CDR2L: variants seen among roughly 807,000 people sequenced by gnomAD.
CDR2L encodes the protein cerebellar degeneration related protein 2 like.
CDR2L carries 19 observed loss-of-function variants against 36.1 expected under a neutral mutation model. The observed-to-expected ratio is 0.53, with a 90% CI of 0.37 to 0.77. CDR2L has a LOEUF of 0.77. Ranked by LOEUF, CDR2L falls within the 30% of genes least tolerant of loss-of-function variation. The pLI is 0.00. For missense variants in CDR2L, 575 were observed against 627.2 expected (o/e 0.92, Z 0.89); for synonymous variants, 285 against 280.4 (o/e 1.02, Z -0.16).
intron 1 of CDR2L, among the ~76,000 whole-genome samples, chr17:74,992,392 C>A (rs2039802391): frequency 6.6e-6 from 1 of 151,326 alleles, no homozygotes; most frequent in African/African-American, 2.4e-5. Context: ...ACAGTTCAAA[C>A]CCATAGCCCA....
At chr17:74,999,288 G>GCGCA (rs201460506) in intron 1 of CDR2L, among the ~76,000 whole-genome samples, 1 of 144,874 alleles carries the variant, frequency 6.9e-6, no homozygotes, top group Non-Finnish European at 1.5e-5. Context: ...ATTACATCTT[G>GCGCA]CACACACACA....
chr17:74,997,004 C>T (rs186672685), intron 1 of CDR2L, among the ~76,000 whole-genome samples: 1 of 151,924 alleles, frequency 6.6e-6, no homozygotes, highest in East Asian at 1.9e-4. Flanking sequence ...TCTGCTCTCT[C>T]TGCCTCTCAG....
intron 1 of CDR2L, among the ~76,000 whole-genome samples, chr17:74,990,482 G>A (rs940978367): frequency 3.9e-5 from 6 of 152,214 alleles, no homozygotes; most frequent in African/African-American, 1.4e-4. Flanking sequence ...ACAGAAATAG[G>A]ACCAAACTCA....
intron 1 of CDR2L, among the ~76,000 whole-genome samples, chr17:74,991,578 G>A (rs551950380): frequency 2.6e-5 from 4 of 151,976 alleles, no homozygotes; most frequent in East Asian, 1.9e-4. Flanking sequence ...TTAGCCGGGC[G>A]CGGTGGCGGG....
Position 75,001,420 on chromosome 17 carries a change from C to G in CDR2L, c.272C>G (p.Ala91Gly), listed in dbSNP as rs1216146178. Residue 91 changes from alanine to glycine, a missense_variant, in exon 3 of 5, where the codon GCC becomes GGC. Coordinates refer to ENST00000337231, the MANE Select transcript of CDR2L (RefSeq NM_014603.3). ...GTCTATGAGCAGCTGGACCTGACAG[C>G]CCGGGACCTGGAGCTGACCAACCAC... The part of the protein sequence containing the change: ...AKVYEQLDLT[A>G]RDLELTNHRL... 5.0e-6 allele frequency: 8 copies of G among 1,609,192 alleles called. No individual in the cohort carries two copies. The South Asian group carries it at 5.6e-5, about 11-fold the overall frequency.
intron 1 of CDR2L, among the ~76,000 whole-genome samples, chr17:74,993,075 G>A (rs773242822): frequency 6.6e-6 from 1 of 152,156 alleles, no homozygotes; most frequent in Non-Finnish European, 1.5e-5. Context: ...TTCCAAGGGG[G>A]AAAACATTTA....
At position 74,990,543 on chromosome 17, in the gene CDR2L, C is replaced by T. The variant is rs1344421803; in HGVS notation, c.79+2421C>T. ...GCAGCTGTAGGCCCAGCAACGGGGA[C>T]AGCAGAGACTTAGAAAGGTTTATGC... On this transcript the variant is annotated intron_variant, in intron 1 of 4. Coordinates refer to ENST00000337231, the MANE Select transcript of CDR2L (RefSeq NM_014603.3). Among the ~76,000 whole-genome samples, 3 of 152,348 alleles carry T rather than the reference C, an allele frequency of 2.0e-5. No homozygotes were observed. The South Asian group carries it at 6.2e-4, about 32-fold the overall frequency.
Position 74,987,816 on chromosome 17 carries a change from GC to G in CDR2L, c.-225del. 4.2e-6 allele frequency: 1 copy of G among 235,782 alleles called. No homozygotes were observed. Among genetic ancestry groups the G allele is most frequent in the Non-Finnish European group, 8.1e-6 (1 of 123,002 alleles). The allele number at this position is 235,782 out of a possible 1,614,324, so 14.6% of individuals were successfully genotyped here. On this transcript the variant is annotated 5_prime_UTR_variant, in exon 1 of 5. Transcript: ENST00000337231. The stretch of plus-strand genomic sequence containing the variant: ...CCACTCCACCCTTTGTGTCGCCGCA[GC>G]CCGGTGCCCCCGGCTCTGCGGGACC...
Position 75,004,038 on chromosome 17 carries a change from C to A in CDR2L, c.1362C>A (p.Ile454=). 6.2e-7 allele frequency: 1 copy of A among 1,610,816 alleles called. No homozygotes were observed. The highest frequency in any genetic ancestry group is 8.5e-7 in the Non-Finnish European group (1 of 1,178,724). The stretch of plus-strand genomic sequence containing the variant: ...GGATCCAGAAGACCAAGGCTGACAT[C>A]AACGCCACCAAAGTCAAGACGCACA... ...FSRIQKTKAD[I]NATKVKTHSS... is the part of the protein sequence containing the mutation. The change falls in exon 5 of 5, where the codon ATC becomes ATA. Residue 454 remains isoleucine (I), a synonymous_variant. Coordinates refer to ENST00000337231, the MANE Select transcript of CDR2L (RefSeq NM_014603.3).
chr17:74,996,110 A>G (rs370084062), intron 1 of CDR2L, among the ~76,000 whole-genome samples: 1 of 152,034 alleles, frequency 6.6e-6, no homozygotes, highest in East Asian at 1.9e-4. Context: ...CATCACCACA[A>G]TCAATTTTAG....
Position 75,003,207 on chromosome 17 carries a change from C to G in CDR2L, c.531C>G (p.His177Gln). The G allele has an allele frequency of 6.4e-7, 1 of 1,566,140 alleles. No homozygotes were observed. Among genetic ancestry groups the G allele is most frequent in the Middle Eastern group, 1.9e-4 (1 of 5,348 alleles). Residue 177 changes from histidine to glutamine, a missense_variant, in exon 5 of 5, where the codon CAC becomes CAG. Coordinates refer to ENST00000337231, the MANE Select transcript of CDR2L (RefSeq NM_014603.3). Reference protein sequence around the residue: ...SPRCKDAFRLHSSSLELGPRP... With the variant: ...SPRCKDAFRLQSSSLELGPRP... Reference sequence around the variant, plus strand: ...GGTGCAAGGATGCTTTCCGCCTACACAGTTCCTCCCTGGAGCTGGGCCCGC... The same window carrying G: ...GGTGCAAGGATGCTTTCCGCCTACAGAGTTCCTCCCTGGAGCTGGGCCCGC...
Position 75,003,576 on chromosome 17 carries a change from C to A in CDR2L, c.900C>A (p.Asp300Glu), listed in dbSNP as rs36057512. ...PGRGDDLGAQDGVSSPAASPG... is the reference protein window; with the variant it reads ...PGRGDDLGAQEGVSSPAASPG... ...GCGGGGACGACTTGGGCGCCCAGGA[C>A]GGGGTCTCCTCACCGGCAGCCTCTC... is the stretch of plus-strand genomic sequence containing the variant. The change falls in exon 5 of 5, where the codon GAC (aspartate) becomes GAA (glutamate). Residue 300 changes from aspartate to glutamate, a missense_variant. Asp to Glu is a conservative substitution (Grantham distance 45, BLOSUM62 2). Coordinates refer to ENST00000337231, the MANE Select transcript of CDR2L (RefSeq NM_014603.3). 0.019 allele frequency: 29,143 copies of A among 1,509,094 alleles called. 1,230 individuals are homozygous for A. The highest frequency in any genetic ancestry group is 0.17 in the African/African-American group (12,045 of 71,892). The allele number at this position is 1,509,094 out of a possible 1,614,324, so 93.5% of individuals were successfully genotyped here. A position where few individuals can be genotyped will look rare whatever the true frequency, so the allele number is the denominator to read the frequency against.
At chr17:74,991,896 G>A (rs1301103666) in intron 1 of CDR2L, among the ~76,000 whole-genome samples, 2 of 152,110 alleles carry the variant, frequency 1.3e-5, no homozygotes, top group South Asian at 2.1e-4. Flanking sequence ...TGCTGTCCCC[G>A]CCTGCCTAGC....
chr17:75,003,009 G>GCAGGGGGA (rs1473267691), intron 4 of CDR2L, among the ~76,000 whole-genome samples, 174 bp from the exon 5 acceptor site: 1 of 152,244 alleles, frequency 6.6e-6, no homozygotes, highest in African/African-American at 2.4e-5. Context: ...GGGGCAGAGA[G>GCAGGGGGA]CAGGGGGAGA....
intron 1 of CDR2L, among the ~76,000 whole-genome samples, chr17:74,988,562 C>A (rs1423157643): frequency 6.6e-6 from 1 of 152,156 alleles, no homozygotes; most frequent in Non-Finnish European, 1.5e-5. Flanking sequence ...TCCAGCAGCA[C>A]CCGTCCCTGA....
intron 1 of CDR2L, among the ~76,000 whole-genome samples, chr17:74,993,449 T>C (rs1027670155): frequency 6.6e-6 from 1 of 152,134 alleles, no homozygotes; most frequent in African/African-American, 2.4e-5. Context: ...AGCTAATTAA[T>C]TTTTTTGTAG....
rs768447267 is a variant in CDR2L, at chr17:75,003,220, G to A, written c.544G>A (p.Glu182Lys). 31 of 1,566,830 alleles carry A rather than the reference G, an allele frequency of 2.0e-5. No homozygotes were observed. Among genetic ancestry groups the A allele is most frequent in the African/African-American group, 2.7e-5 (2 of 73,654 alleles). ...DAFRLHSSSL[E>K]LGPRPLEQEN... ...TTTCCGCCTACACAGTTCCTCCCTG[G>A]AGCTGGGCCCGCGGCCCCTGGAGCA... is the stretch of plus-strand genomic sequence containing the variant. Residue 182 changes from glutamate (E) to lysine (K), a missense_variant, in exon 5 of 5, where the codon GAG (glutamate) becomes AAG (lysine). Physicochemically the swap from Glu to Lys is moderately conservative, Grantham distance 56. Transcript: ENST00000337231.
Position 75,003,233 on chromosome 17 carries a change from G to A in CDR2L, c.557G>A (p.Arg186Gln), listed in dbSNP as rs758131748. Reference sequence around the variant, plus strand: ...AGTTCCTCCCTGGAGCTGGGCCCGCGGCCCCTGGAGCAGGAGAACGAGCGG... The same window carrying A: ...AGTTCCTCCCTGGAGCTGGGCCCGCAGCCCCTGGAGCAGGAGAACGAGCGG... ...LHSSSLELGP[R>Q]PLEQENERLQ... Residue 186 changes from arginine to glutamine, a missense_variant, in exon 5 of 5, where the codon CGG (arginine) becomes CAG (glutamine). By Grantham distance (43) the Arg-to-Gln change is conservative. Coordinates refer to ENST00000337231, the MANE Select transcript of CDR2L (RefSeq NM_014603.3). 2 of 1,565,000 alleles carry A rather than the reference G, an allele frequency of 1.3e-6. No homozygotes were observed. The highest frequency in any genetic ancestry group is 1.4e-5 in the African/African-American group (1 of 73,754).
chr17:75,001,129 G>A (rs935912024), intron 2 of CDR2L, among the ~76,000 whole-genome samples: 3 of 151,872 alleles, frequency 2.0e-5, no homozygotes, highest in Non-Finnish European at 2.9e-5. Context: ...AGCTACTCAG[G>A]AGGCTGAAGC....
Sources: allele counts gnomAD v4.1 joint callset (sites outside exome capture counted in the v4.1 genomes callset), GRCh38; gene constraint gnomAD v4.1.1; transcripts MANE v1.5; gene names NCBI Gene and HGNC (gene_info 2026-07-23, HGNC 2026-07-21).